The following TMPRSS11E variants were observed in gnomAD, a reference collection of about 807,000 sequenced individuals.
TMPRSS11E encodes the protein transmembrane serine protease 11E.
In TMPRSS11E, 38 loss-of-function variants were observed where a neutral mutation model predicts 48.1. The observed-to-expected ratio is 0.79, with a 90% CI of 0.61 to 1.04. The LOEUF is 1.04. Among genes scored for constraint, TMPRSS11E ranks in the 50% least tolerant of loss-of-function variants. The probability of loss-of-function intolerance (pLI) is 0.00; values close to 1 mark genes in which losing one functional copy is unlikely to be tolerated. For synonymous variants in TMPRSS11E, 158 were observed against 171.9 expected (o/e 0.92, Z 0.63); for missense variants, 530 against 510.8 (o/e 1.04, Z -0.36).
chr4:68,456,562 G>A (rs182792385), intron 1 of TMPRSS11E, among the ~76,000 whole-genome samples: 2 of 152,070 alleles, frequency 1.3e-5, no homozygotes, highest in South Asian at 2.1e-4. Context: ...TAGAAAGTGT[G>A]AGAAGGATTA....
chr4:68,483,794 C>T (rs1729476591), intron 9 of TMPRSS11E, among the ~76,000 whole-genome samples: 1 of 152,134 alleles, frequency 6.6e-6, no homozygotes, highest in African/African-American at 2.4e-5. Context: ...TCAACCATCT[C>T]AAGTTGATTT....
chr4:68,489,094 C>G (rs1410789667), intron 9 of TMPRSS11E, among the ~76,000 whole-genome samples: 1 of 152,168 alleles, frequency 6.6e-6, no homozygotes, highest in Non-Finnish European at 1.5e-5. Flanking sequence ...TCTTTCTCAT[C>G]TGTGTGTGTG....
intron 8 of TMPRSS11E, among the ~76,000 whole-genome samples, chr4:68,478,523 T>G (rs1729306906): frequency 7.1e-6 from 1 of 141,192 alleles, no homozygotes; most frequent in Non-Finnish European, 1.5e-5. Context: ...GGCCCGATCT[T>G]GGCTCACTGC....
At chr4:68,474,281 A>T (rs979124321) in intron 5 of TMPRSS11E, among the ~76,000 whole-genome samples, 1 of 152,138 alleles carries the variant, frequency 6.6e-6, no homozygotes, top group Admixed American at 6.6e-5. Flanking sequence ...TACAAATGGG[A>T]CTAGGCTTAT....
At chr4:68,471,378 T>C (rs907649291) in intron 4 of TMPRSS11E, 82 bp from the exon 5 acceptor site, 15 of 234,808 alleles carry the variant, frequency 6.4e-5, no homozygotes, top group Non-Finnish European at 1.1e-4. Flanking sequence ...CACTTCCTCC[T>C]TCCCTCCCTC....
Position 68,477,505 on chromosome 4 carries a change from G to A in TMPRSS11E, c.844G>A (p.Glu282Lys). Residue 282 changes from glutamate to lysine, a missense_variant, in exon 8 of 10, where the codon GAG becomes AAG. By Grantham distance (56) the Glu-to-Lys change is moderately conservative (BLOSUM62 1). Transcript: ENST00000305363. ...ACATGACTATGATATTTCTCTTGCA[G>A]AGCTTTCTAGCCCTGTTCCCTACAC... The part of the protein sequence containing the change: ...PSHDYDISLA[E>K]LSSPVPYTNA... 1 of 1,614,030 alleles carries A rather than the reference G, an allele frequency of 6.2e-7. No individual in the cohort carries two copies. The highest frequency in any genetic ancestry group is 8.5e-7 in the Non-Finnish European group (1 of 1,179,986).
chr4:68,461,986 A>G, intron 2 of TMPRSS11E, 41 bp downstream of exon 2: 3 of 1,610,788 alleles, frequency 1.9e-6, no homozygotes, highest in South Asian at 1.1e-5. Context: ...TTTACCCCAA[A>G]TATTTCCTCA....
chr4:68,493,208 C>A (rs1729777248), intron 9 of TMPRSS11E, among the ~76,000 whole-genome samples: 1 of 152,144 alleles, frequency 6.6e-6, no homozygotes, highest in Non-Finnish European at 1.5e-5. Flanking sequence ...ATTTACAACT[C>A]ATGGCCAACC....
At chr4:68,484,736 T>C (rs1729503629) in intron 9 of TMPRSS11E, among the ~76,000 whole-genome samples, 1 of 152,240 alleles carries the variant, frequency 6.6e-6, no homozygotes, top group Non-Finnish European at 1.5e-5. Flanking sequence ...CACTCTTGAT[T>C]TGGCTCTCGG....
At chr4:68,450,355 C>T (rs1014467394) in intron 1 of TMPRSS11E, among the ~76,000 whole-genome samples, 16 of 151,832 alleles carry the variant, frequency 1.1e-4, no homozygotes, top group African/African-American at 3.9e-4. Context: ...GCTTTCATTC[C>T]TTTTAAAAGA....
intron 4 of TMPRSS11E, among the ~76,000 whole-genome samples, chr4:68,470,407 T>A (rs1234671483): frequency 6.6e-6 from 1 of 151,806 alleles, no homozygotes; most frequent in Non-Finnish European, 1.5e-5. Flanking sequence ...CCTGACTGAG[T>A]AATATAAATA....
chr4:68,468,541 G>A (rs1249980867), intron 3 of TMPRSS11E, among the ~76,000 whole-genome samples: 7 of 151,972 alleles, frequency 4.6e-5, no homozygotes, highest in Non-Finnish European at 8.8e-5. Context: ...TTTGTCTATG[G>A]GCAGTAAAAG....
In TMPRSS11E at chr4:68,477,330, T is replaced by C. The variant is rs368214902; in HGVS notation, c.708-39T>C. 177 of 1,560,628 alleles carry C rather than the reference T, an allele frequency of 1.1e-4. 1 individual carries two copies. In the African/African-American group the frequency reaches 2.2e-3, roughly 19 times the overall value. On this transcript the variant is annotated intron_variant, in intron 7 of 9. Coordinates refer to ENST00000305363, the MANE Select transcript of TMPRSS11E (RefSeq NM_014058.4). ...AATATAAATTATTCGACTGGTAGCA[T>C]GGTAAAAAGAAATTTATTCTTCATT...
At position 68,479,174 on chromosome 4, in the gene TMPRSS11E, G is replaced by A. The variant is rs1489507244; in HGVS notation, c.1110+183G>A. 3.3e-5 allele frequency among the ~76,000 whole-genome samples: 5 copies of A among 152,106 alleles called. 1 individual carries two copies. Among genetic ancestry groups the A allele is most frequent in the South Asian group, 4.1e-4 (2 of 4,830 alleles). On this transcript the variant is annotated intron_variant, in intron 9 of 9. Coordinates refer to ENST00000305363, the MANE Select transcript of TMPRSS11E (RefSeq NM_014058.4). The stretch of plus-strand genomic sequence containing the variant: ...TATAAGATCTGGGAAACTGACAGTC[G>A]TACAAAGTATGTGTCTAATTCTATG...
At chr4:68,449,381 T>C (rs1476353225) in intron 1 of TMPRSS11E, among the ~76,000 whole-genome samples, 2 of 151,768 alleles carry the variant, frequency 1.3e-5, no homozygotes, top group Non-Finnish European at 1.5e-5. Flanking sequence ...GTATACTAAC[T>C]GTATTTATCA....
intron 8 of TMPRSS11E, among the ~76,000 whole-genome samples, chr4:68,478,149 C>CTTTTT (rs141071822): frequency 0.28 from 37,217 of 133,580 alleles, 6,219 homozygotes; most frequent in Non-Finnish European, 0.35. Context: ...GTATCACTAT[C>CTTTTT]TTTTTTTTTT....
At chr4:68,476,459 ATGAT>A (rs1729223200) in intron 7 of TMPRSS11E, 21 bp downstream of exon 7, 1 of 1,586,680 alleles carries the variant, frequency 6.3e-7, no homozygotes, top group Admixed American at 1.7e-5. Context: ...AAGCTTGAGA[ATGAT>A]TGGGAGTGAA....
chr4:68,482,690 T>C (rs1285286155), intron 9 of TMPRSS11E, among the ~76,000 whole-genome samples: 1 of 151,514 alleles, frequency 6.6e-6, no homozygotes, highest in Non-Finnish European at 1.5e-5. Context: ...GAAGATTGAT[T>C]GATCGTGGGA....
At chr4:68,470,705 CAGAAGT>C (rs1472243169) in intron 4 of TMPRSS11E, among the ~76,000 whole-genome samples, 18 of 151,814 alleles carry the variant, frequency 1.2e-4, no homozygotes, top group Admixed American at 1.2e-3. Context: ...GAGTTAGATT[CAGAAGT>C]GACTATGAAA....
Sources: gnomAD v4.1 joint callset for allele counts (sites outside exome capture counted in the v4.1 genomes callset) on GRCh38, gnomAD v4.1.1 for gene constraint, MANE v1.5 for transcripts, NCBI Gene and HGNC (gene_info 2026-07-23, HGNC 2026-07-21) for gene names.